Variants in IQCM observed in about 807,000 individuals in gnomAD.
IQCM encodes the protein IQ motif containing M, also known as IQ domain-containing protein M.
A neutral mutation model predicts 57.6 loss-of-function variants in IQCM; 45 were observed. The observed-to-expected ratio is 0.78, with a 90% CI of 0.62 to 1.00. The LOEUF (loss-of-function observed/expected upper bound fraction) is 1.00, where lower values mean the gene tolerates loss of function less well. Among genes scored for constraint, IQCM ranks in the 50% least tolerant of loss-of-function variants. The pLI is 0.00. For synonymous variants in IQCM, 148 were observed against 158.9 expected (o/e 0.93, Z 0.51); for missense variants, 468 against 511.6 (o/e 0.91, Z 0.82).
chr4:149,438,467 C>T (rs1735588473), intron 12 of IQCM, among the ~76,000 whole-genome samples: 1 of 151,904 alleles, frequency 6.6e-6, no homozygotes, highest in South Asian at 2.1e-4. Flanking sequence ...AATCTATAAC[C>T]CAGCATAAAT....
At chr4:149,593,450 C>A (rs1423556693) in intron 8 of IQCM, among the ~76,000 whole-genome samples, 1 of 152,058 alleles carries the variant, frequency 6.6e-6, no homozygotes, top group African/African-American at 2.4e-5. Context: ...CCCTTTATTT[C>A]TTTATCCTGC....
chr4:149,545,511 T>TA (rs1560973737), intron 12 of IQCM, among the ~76,000 whole-genome samples: 2 of 152,132 alleles, frequency 1.3e-5, no homozygotes, highest in African/African-American at 4.8e-5. Context: ...CCTAGTATGA[T>TA]AGCTATTATT....
intron 12 of IQCM, among the ~76,000 whole-genome samples, chr4:149,534,896 G>T (rs1747133489): frequency 6.6e-6 from 1 of 152,064 alleles, no homozygotes; most frequent in Non-Finnish European, 1.5e-5. Context: ...CTTACGTTCT[G>T]CCAAACTGGC....
In IQCM at chr4:149,379,584, T is replaced by C. The variant is rs367953515; in HGVS notation, c.1391-27518A>G. On this transcript the variant is annotated intron_variant, in intron 13 of 13. Transcript: ENST00000636793. ...CCTTTGCTTTGGCCAATTTCTTCCATTTGGAATAGCTGTATTTACCCAATG... is the reference window on the plus strand; with the variant it reads ...CCTTTGCTTTGGCCAATTTCTTCCACTTGGAATAGCTGTATTTACCCAATG... Among the ~76,000 whole-genome samples, 6 of 152,302 alleles carry C rather than the reference T, an allele frequency of 3.9e-5. No individual in the cohort carries two copies. The East Asian group carries it at 9.7e-4, about 25-fold the overall frequency.
chr4:149,413,806 A>C (rs1006312315), intron 13 of IQCM, among the ~76,000 whole-genome samples: 1 of 152,294 alleles, frequency 6.6e-6, no homozygotes, highest in African/African-American at 2.4e-5. Context: ...TAAACATTAA[A>C]TTCTCCTTAC....
intron 12 of IQCM, among the ~76,000 whole-genome samples, chr4:149,524,339 A>C (rs1008691308): frequency 2.0e-5 from 3 of 152,172 alleles, no homozygotes; most frequent in Non-Finnish European, 4.4e-5. Flanking sequence ...ACAAATGTAC[A>C]GTACAGATAT....
chr4:149,748,931 G>T (rs1768185591), intron 2 of IQCM, among the ~76,000 whole-genome samples: 1 of 152,086 alleles, frequency 6.6e-6, no homozygotes, highest in South Asian at 2.1e-4. Context: ...ACAGGCAGTT[G>T]AATATAAAAA....
At chr4:149,566,408 C>A (rs1167906941) in intron 9 of IQCM, among the ~76,000 whole-genome samples, 1 of 152,108 alleles carries the variant, frequency 6.6e-6, no homozygotes, top group East Asian at 1.9e-4. Flanking sequence ...GAAGTGACAG[C>A]TCTAGGTCAT....
chr4:149,771,934 C>T (rs1242118214), intron 2 of IQCM, among the ~76,000 whole-genome samples: 1 of 151,912 alleles, frequency 6.6e-6, no homozygotes, highest in African/African-American at 2.4e-5. Flanking sequence ...GTAGGATGAC[C>T]CTATGTCCCA....
intron 12 of IQCM, among the ~76,000 whole-genome samples, chr4:149,434,860 C>T (rs1000982431): frequency 2.6e-5 from 4 of 152,062 alleles, no homozygotes; most frequent in Non-Finnish European, 5.9e-5. Flanking sequence ...CATCACTGGG[C>T]GCTTCCTAGA....
At chr4:149,385,186 A>G (rs1731336957) in intron 13 of IQCM, among the ~76,000 whole-genome samples, 1 of 152,122 alleles carries the variant, frequency 6.6e-6, no homozygotes, top group Admixed American at 6.6e-5. Flanking sequence ...ATCTGCCTCC[A>G]TATTCATACT....
At chr4:149,563,987 G>A (rs1750376959) in intron 9 of IQCM, 97 bp from the exon 10 acceptor site, 1 of 532,172 alleles carries the variant, frequency 1.9e-6, no homozygotes, top group South Asian at 1.0e-4. Flanking sequence ...ATTGAAATAG[G>A]AAATATATTA....
intron 13 of IQCM, among the ~76,000 whole-genome samples, chr4:149,353,998 T>C (rs531823660): frequency 6.6e-6 from 1 of 152,316 alleles, no homozygotes; most frequent in South Asian, 2.1e-4. Flanking sequence ...ATAGTAACTA[T>C]TTTACTATTT....
intron 2 of IQCM, among the ~76,000 whole-genome samples, chr4:149,746,587 C>T (rs1453002049): frequency 1.3e-5 from 2 of 152,136 alleles, no homozygotes; most frequent in African/African-American, 4.8e-5. Flanking sequence ...CTCTCTTATG[C>T]AACTGAGTAT....
Position 149,587,920 on chromosome 4 carries a change from A to G in IQCM, c.749+10T>C. ...TTAATTTACACTTTTCTATTATATA[A>G]AAGATATACCTGGGTTGTGATTTTG... is the stretch of plus-strand genomic sequence containing the variant. On this transcript the variant is annotated intron_variant, in intron 9 of 13. Coordinates refer to ENST00000636793, the MANE Select transcript of IQCM (RefSeq NM_001363507.2). 1 of 1,192,688 alleles carries G rather than the reference A, an allele frequency of 8.4e-7. No individual in the cohort carries two copies. The highest frequency in any genetic ancestry group is 1.0e-6 in the Non-Finnish European group (1 of 952,684). The allele number at this position is 1,192,688 out of a possible 1,614,324, so 73.9% of individuals were successfully genotyped here.
intron 13 of IQCM, among the ~76,000 whole-genome samples, chr4:149,368,819 CATATATATACAT>C (rs1560779007): frequency 8.3e-5 from 6 of 72,428 alleles, no homozygotes; most frequent in African/African-American, 3.6e-4. Flanking sequence ...TATATATATA[CATATATATACAT>C]GTATATATAT....
intron 12 of IQCM, among the ~76,000 whole-genome samples, chr4:149,483,212 C>A (rs2149757305): frequency 6.6e-6 from 1 of 151,522 alleles, no homozygotes; most frequent in Admixed American, 6.6e-5. Flanking sequence ...TTTATCTTTG[C>A]AAAAAAACTT....
At chr4:149,703,397 T>C (rs1296156725) in intron 5 of IQCM, among the ~76,000 whole-genome samples, 1 of 151,814 alleles carries the variant, frequency 6.6e-6, no homozygotes, top group Non-Finnish European at 1.5e-5. Flanking sequence ...TAGGAGTAGA[T>C]TGTTTGGAGG....
intron 13 of IQCM, among the ~76,000 whole-genome samples, chr4:149,363,762 C>A (rs554803167): frequency 8.5e-5 from 13 of 152,192 alleles, no homozygotes; most frequent in Admixed American, 5.9e-4. Context: ...TAATAATCTG[C>A]AAACATGGAA....
Sources: allele counts gnomAD v4.1 joint callset (sites outside exome capture counted in the v4.1 genomes callset), GRCh38; gene constraint gnomAD v4.1.1; transcripts MANE v1.5; gene names NCBI Gene and HGNC (gene_info 2026-07-23, HGNC 2026-07-21).